The following OSTM1 variants were observed in gnomAD, a reference collection of about 807,000 sequenced individuals.
OSTM1 encodes osteoclastogenesis associated transmembrane protein 1.
Under a neutral mutation model 35.4 loss-of-function variants are expected in OSTM1, and 26 were observed. That is an observed-to-expected ratio of 0.73 (90% CI 0.54 to 1.02). The LOEUF is 1.02. Ranked by LOEUF, OSTM1 falls within the 50% of genes least tolerant of loss-of-function variation. The pLI, the probability that OSTM1 is intolerant of heterozygous loss-of-function variation, is 0.00. For missense variants in OSTM1, 366 were observed against 409.6 expected (o/e 0.89, Z 0.92); for synonymous variants, 181 against 165.0 (o/e 1.10, Z -0.75).
intron 2 of OSTM1, among the ~76,000 whole-genome samples, chr6:108,062,524 G>A (rs1455870329): frequency 1.4e-5 from 2 of 145,744 alleles, no homozygotes; most frequent in Non-Finnish European, 3.0e-5. Context: ...TACTATATAA[G>A]CTTTTCTTTT....
intron 2 of OSTM1, among the ~76,000 whole-genome samples, chr6:108,062,535 C>CTTTTTTTTTTTTTTTT (rs780041339): frequency 4.6e-5 from 6 of 131,034 alleles, no homozygotes; most frequent in African/African-American, 5.7e-5. Flanking sequence ...CTTTTCTTTT[C>CTTTTTTTTTTTTTTTT]TTTTTTTTTT....
rs1425239779 is a variant in OSTM1, at chr6:108,043,069, C to T, written c.*1716G>A. 6.6e-6 allele frequency: 1 copy of T among 152,158 alleles called. No homozygotes were observed. The highest frequency in any genetic ancestry group is 1.9e-4 in the East Asian group (1 of 5,196). The allele number at this position is 152,158 out of a possible 1,614,324, so 9.4% of individuals were successfully genotyped here. On this transcript the variant is annotated 3_prime_UTR_variant, in exon 6 of 6. Coordinates refer to ENST00000193322, the MANE Select transcript of OSTM1 (RefSeq NM_014028.4). ...AGGCTGCCTTTTCCTTTTTAAAGTG[C>T]TTATTAGCTTTATATCCAAAAACAA...
chr6:108,055,478 G>A (rs1459831219), intron 2 of OSTM1, among the ~76,000 whole-genome samples: 1 of 152,076 alleles, frequency 6.6e-6, no homozygotes, highest in African/African-American at 2.4e-5. Context: ...GAGCCACTGC[G>A]CTCAGCCAGG....
chr6:108,070,676 G>A (rs1772464651), intron 1 of OSTM1, among the ~76,000 whole-genome samples: 1 of 150,226 alleles, frequency 6.7e-6, no homozygotes, highest in South Asian at 2.1e-4. Context: ...GACCACCTGA[G>A]GTCAGGAGTT....
At position 108,043,209 on chromosome 6, in the gene OSTM1, G is replaced by C. The variant is rs940129266; in HGVS notation, c.*1576C>G. On this transcript the variant is annotated 3_prime_UTR_variant, in exon 6 of 6. Transcript: ENST00000193322. ...AACTTGTTTTATCTGCATTAATGAA[G>C]ATTGCTTCAAATGGCTCTCAATCAT... The C allele has an allele frequency of 6.6e-6, 1 of 152,162 alleles. No homozygotes were observed. The highest frequency in any genetic ancestry group is 2.4e-5 in the African/African-American group (1 of 41,440). The allele number at this position is 152,162 out of a possible 1,614,324, so 9.4% of individuals were successfully genotyped here.
At chr6:108,064,135 T>C (rs368004814) in intron 2 of OSTM1, 50 bp downstream of exon 2, 8 of 907,050 alleles carry the variant, frequency 8.8e-6, no homozygotes, top group Non-Finnish European at 1.5e-5. Flanking sequence ...AAATCTGACA[T>C]CTGTACTACT....
At chr6:108,069,476 CATAG>C (rs141764366) in intron 1 of OSTM1, among the ~76,000 whole-genome samples, 2,083 of 152,208 alleles carry the variant, frequency 0.014, 42 homozygotes, top group African/African-American at 0.047. Flanking sequence ...TACACAGATA[CATAG>C]ATAGATAGAG....
intron 5 of OSTM1, among the ~76,000 whole-genome samples, chr6:108,045,390 G>A (rs182519733): frequency 1.3e-5 from 2 of 150,354 alleles, no homozygotes; most frequent in East Asian, 2.0e-4. Context: ...TATCACCAGC[G>A]CAACAAGGCA....
chr6:108,043,269 G>C lies in OSTM1; in HGVS notation c.*1516C>G, dbSNP rs1219653180. 6.6e-6 allele frequency: 1 copy of C among 152,146 alleles called. No homozygotes were observed. The highest frequency in any genetic ancestry group is 1.5e-5 in the Non-Finnish European group (1 of 68,038). 9.4% of individuals were successfully genotyped at this position (152,146 alleles called of 1,614,324 possible). Reference sequence around the variant, plus strand: ...ATCAAGACAGTGCTAAGTTCCAGCAGCATAAACAGTGACAGCAGAACAAAC... The same window carrying C: ...ATCAAGACAGTGCTAAGTTCCAGCACCATAAACAGTGACAGCAGAACAAAC... On this transcript the variant is annotated 3_prime_UTR_variant, in exon 6 of 6. Transcript: ENST00000193322.
At chr6:108,049,561 ACTT>A (rs1295839865) in intron 4 of OSTM1, 143 bp from the exon 5 acceptor site, 18 of 1,455,376 alleles carry the variant, frequency 1.2e-5, no homozygotes, top group Non-Finnish European at 1.5e-5. Flanking sequence ...GTTGAGGACA[ACTT>A]CTTCTGCCAG....
intron 2 of OSTM1, among the ~76,000 whole-genome samples, chr6:108,063,391 C>A (rs1256099390): frequency 6.6e-6 from 1 of 152,176 alleles, no homozygotes; most frequent in African/African-American, 2.4e-5. Context: ...GAAGTCATTT[C>A]AAATTCTCCC....
chr6:108,053,610 C>T (rs1021017845), intron 3 of OSTM1, among the ~76,000 whole-genome samples: 13 of 152,242 alleles, frequency 8.5e-5, no homozygotes, highest in African/African-American at 2.9e-4. Context: ...TCACTACAGG[C>T]GTGCACCACC....
intron 5 of OSTM1, among the ~76,000 whole-genome samples, chr6:108,049,042 C>T (rs1167883120): frequency 6.6e-6 from 1 of 152,076 alleles, no homozygotes; most frequent in Non-Finnish European, 1.5e-5. Context: ...TGAGCCACTG[C>T]ACCTAGCCCT....
At chr6:108,049,622 T>G (rs547015198) in intron 4 of OSTM1, 1 of 1,269,168 alleles carries the variant, frequency 7.9e-7, no homozygotes, top group East Asian at 2.8e-5. Flanking sequence ...TTTATATCCA[T>G]ACAGAAATTT....
At chr6:108,070,194 C>T (rs1023166465) in intron 1 of OSTM1, among the ~76,000 whole-genome samples, 5 of 152,236 alleles carry the variant, frequency 3.3e-5, no homozygotes, top group African/African-American at 9.6e-5. Flanking sequence ...CATGCCACTA[C>T]TCCTGGCTAA....
At position 108,074,604 on chromosome 6, in the gene OSTM1, C is replaced by G; in HGVS notation, c.48G>C (p.Pro16=). ...TAAQRRCSLP[P]WLPLGLLLWS... ...ACAGCAGCAGCCCCAGCGGCAGCCA[C>G]GGCGGCAACGAACACCTCCGCTGCG... Residue 16 remains proline, a synonymous_variant, in exon 1 of 6, where the codon CCG becomes CCC. Transcript: ENST00000193322. The G allele has an allele frequency of 6.4e-7, 1 of 1,565,214 alleles. No homozygotes were observed. Among genetic ancestry groups the G allele is most frequent in the Non-Finnish European group, 8.6e-7 (1 of 1,161,022 alleles).
At position 108,070,805 on chromosome 6, in the gene OSTM1, G is replaced by A. The variant is rs372426436; in HGVS notation, c.402+3445C>T. ...CTTGGGAGGCTGAGGCAGGAGAATCGCTTGAACCTGGGAGGCGAAGGTTGC... is the reference window on the plus strand; with the variant it reads ...CTTGGGAGGCTGAGGCAGGAGAATCACTTGAACCTGGGAGGCGAAGGTTGC... On this transcript the variant is annotated intron_variant, in intron 1 of 5. Transcript: ENST00000193322. Among the ~76,000 whole-genome samples the A allele has an allele frequency of 7.5e-3, 1,126 of 150,692 alleles. 16 individuals are homozygous for A. Among genetic ancestry groups the A allele is most frequent in the African/African-American group, 0.026 (1,074 of 41,028 alleles).
chr6:108,045,277 T>C (rs1490069341), intron 5 of OSTM1, among the ~76,000 whole-genome samples: 2 of 152,270 alleles, frequency 1.3e-5, no homozygotes, highest in African/African-American at 2.4e-5. Flanking sequence ...AAAGATTCTA[T>C]AGCAATCATT....
rs35984071 is a variant in OSTM1, at chr6:108,052,511, C to CTTT, written c.616-1316_616-1314dup. 2.5e-3 allele frequency among the ~76,000 whole-genome samples: 270 copies of CTTT among 108,062 alleles called. 1 individual carries two copies. Among genetic ancestry groups the CTTT allele is most frequent in the East Asian group, 5.2e-3 (19 of 3,666 alleles). 70.9% of individuals were successfully genotyped at this position (108,062 alleles called of 152,430 possible). A position where few individuals can be genotyped will look rare whatever the true frequency, so the allele number is the denominator to read the frequency against. On this transcript the variant is annotated intron_variant, in intron 3 of 5. Coordinates refer to ENST00000193322, the MANE Select transcript of OSTM1 (RefSeq NM_014028.4). ...TAATCTAGATGGGGAGTAATTTAAC[C>CTTT]TTTTTTTTTTTTTTTTTTTTTGAGA... is the stretch of plus-strand genomic sequence containing the variant.
Sources: allele counts gnomAD v4.1 joint callset (sites outside exome capture counted in the v4.1 genomes callset), GRCh38; gene constraint gnomAD v4.1.1; transcripts MANE v1.5; gene names NCBI Gene and HGNC (gene_info 2026-07-23, HGNC 2026-07-21).